The following CTNND2 variants were observed in gnomAD, a reference collection of about 807,000 sequenced individuals.
The protein encoded by CTNND2 is catenin delta 2.
A neutral mutation model predicts 144.4 loss-of-function variants in CTNND2; 22 were observed. The observed-to-expected ratio is 0.15, with a 90% CI of 0.11 to 0.22. CTNND2 has a LOEUF of 0.22. CTNND2 is among the 10% of genes least tolerant of loss of function. The pLI is 1.00. For synonymous variants in CTNND2, 751 were observed against 695.6 expected (o/e 1.08, Z -1.25); for missense variants, 1,353 against 1,618.8 (o/e 0.84, Z 2.82).
chr5:11,015,057 GT>G (rs1741468593), intron 18 of CTNND2, among the ~76,000 whole-genome samples: 1 of 152,062 alleles, frequency 6.6e-6, no homozygotes. Flanking sequence ...CATATCTTAT[GT>G]TTTCCTTTGG....
intron 9 of CTNND2, among the ~76,000 whole-genome samples, chr5:11,346,106 C>A (rs1466415240): frequency 6.6e-6 from 1 of 152,134 alleles, no homozygotes; most frequent in African/African-American, 2.4e-5. Flanking sequence ...TTAAAGACGG[C>A]TGTTTACATC....
intron 9 of CTNND2, among the ~76,000 whole-genome samples, chr5:11,316,035 A>G (rs1751438626): frequency 6.6e-6 from 1 of 152,216 alleles, no homozygotes; most frequent in South Asian, 2.1e-4. Flanking sequence ...TTTCTTTCAC[A>G]ATACATTTTA....
intron 12 of CTNND2, among the ~76,000 whole-genome samples, chr5:11,139,423 C>G (rs558889984): frequency 1.3e-5 from 2 of 152,192 alleles, no homozygotes; most frequent in Non-Finnish European, 2.9e-5. Context: ...ACACCTAGAA[C>G]GGGACCAGCT....
intron 2 of CTNND2, among the ~76,000 whole-genome samples, chr5:11,699,455 A>C (rs940094246): frequency 3.9e-5 from 6 of 152,180 alleles, no homozygotes; most frequent in Non-Finnish European, 5.9e-5. Flanking sequence ...GGGTATGTGG[A>C]GTTCAATTTG....
intron 9 of CTNND2, among the ~76,000 whole-genome samples, chr5:11,271,917 A>C (rs1384909675): frequency 6.6e-6 from 1 of 152,150 alleles, no homozygotes; most frequent in Non-Finnish European, 1.5e-5. Flanking sequence ...CTTAAGCTAC[A>C]ATTCCCAAAC....
At chr5:11,881,627 T>G (rs9312785) in intron 1 of CTNND2, among the ~76,000 whole-genome samples, 144,918 of 151,888 alleles carry the variant, frequency 0.95, 69,337 homozygotes, top group East Asian at 1. Flanking sequence ...CTTTTTTTAT[T>G]TATTCATTCA....
At chr5:11,570,996 A>G (rs1314724375) in intron 2 of CTNND2, among the ~76,000 whole-genome samples, 1 of 151,682 alleles carries the variant, frequency 6.6e-6, no homozygotes, top group Non-Finnish European at 1.5e-5. Context: ...TAATCATGTA[A>G]GTCTCTAATG....
chr5:11,847,130 A>ATATG (rs1794777010), intron 1 of CTNND2, among the ~76,000 whole-genome samples: 1 of 8,494 alleles, frequency 1.2e-4, no homozygotes, highest in African/African-American at 7.0e-4. Context: ...CAAAGATTTT[A>ATATG]TATATATATA....
At chr5:11,547,476 T>G (rs1452770909) in intron 3 of CTNND2, among the ~76,000 whole-genome samples, 4 of 151,542 alleles carry the variant, frequency 2.6e-5, no homozygotes, top group Non-Finnish European at 4.4e-5. Context: ...GACACTACAG[T>G]GAAAAAAAGA....
chr5:11,058,870 A>AT (rs368076727), intron 16 of CTNND2, among the ~76,000 whole-genome samples: 89 of 152,338 alleles, frequency 5.8e-4, no homozygotes, highest in African/African-American at 1.7e-3. Context: ...AAAGCAGGTC[A>AT]TTTTGGAGCT....
intron 1 of CTNND2, among the ~76,000 whole-genome samples, chr5:11,801,317 C>G (rs756442768): frequency 2.0e-5 from 3 of 152,140 alleles, no homozygotes; most frequent in Non-Finnish European, 4.4e-5. Context: ...ACAGTGATAG[C>G]TACATTTACT....
chr5:11,685,477 A>G (rs984778223), intron 2 of CTNND2, among the ~76,000 whole-genome samples: 1 of 152,202 alleles, frequency 6.6e-6, no homozygotes, highest in Non-Finnish European at 1.5e-5. Flanking sequence ...ATAATGGTCT[A>G]CTAGTTACTA....
chr5:11,182,105 AGT>A (rs1306759012), intron 11 of CTNND2, among the ~76,000 whole-genome samples: 1 of 42,186 alleles, frequency 2.4e-5, no homozygotes. Flanking sequence ...GTGTGGATGG[AGT>A]GTGTGTGTGG....
At chr5:11,020,878 A>G (rs1742179428) in intron 17 of CTNND2, among the ~76,000 whole-genome samples, 1 of 152,204 alleles carries the variant, frequency 6.6e-6, no homozygotes, top group Non-Finnish European at 1.5e-5. Flanking sequence ...TTGGAAAAAG[A>G]GATAAAGGAA....
intron 7 of CTNND2, among the ~76,000 whole-genome samples, chr5:11,370,558 A>C (rs1420682383): frequency 6.6e-6 from 1 of 152,242 alleles, no homozygotes; most frequent in Non-Finnish European, 1.5e-5. Flanking sequence ...ACATTAATAA[A>C]ACAGGTCCAT....
intron 1 of CTNND2, among the ~76,000 whole-genome samples, chr5:11,805,070 C>T (rs2126895595): frequency 6.6e-6 from 1 of 152,210 alleles, no homozygotes; most frequent in East Asian, 1.9e-4. Context: ...CGACTGTGAT[C>T]TTGCTATACT....
At chr5:11,019,657 G>A (rs1742030151) in intron 17 of CTNND2, among the ~76,000 whole-genome samples, 1 of 152,150 alleles carries the variant, frequency 6.6e-6, no homozygotes, top group African/African-American at 2.4e-5. Context: ...GGATGCCATG[G>A]AAATTTCTAC....
intron 3 of CTNND2, among the ~76,000 whole-genome samples, chr5:11,559,006 C>T (rs1322606214): frequency 6.6e-6 from 1 of 152,128 alleles, no homozygotes; most frequent in African/African-American, 2.4e-5. Context: ...TTGTGCAAAA[C>T]CATTGCAGAG....
chr5:11,097,778 C>T (rs61755694), intron 15 of CTNND2, among the ~76,000 whole-genome samples: 1 of 152,102 alleles, frequency 6.6e-6, no homozygotes. Flanking sequence ...GAATATCCCA[C>T]ACCCCAGGAT....
Sources: gnomAD v4.1 joint callset for allele counts (sites outside exome capture counted in the v4.1 genomes callset) on GRCh38, gnomAD v4.1.1 for gene constraint, MANE v1.5 for transcripts, NCBI Gene and HGNC (gene_info 2026-07-23, HGNC 2026-07-21) for gene names.